Variants in SCYL3 observed in about 807,000 individuals in gnomAD.
SCYL3 encodes protein-associating with the carboxyl-terminal domain of ezrin.
SCYL3 carries 35 observed loss-of-function variants against 73.8 expected under a neutral mutation model. The observed-to-expected ratio is 0.47, with a 90% CI of 0.36 to 0.63. The LOEUF (loss-of-function observed/expected upper bound fraction) is 0.63, where lower values mean the gene tolerates loss of function less well. SCYL3 is among the 20% of genes least tolerant of loss of function. The pLI is 0.00. For missense variants in SCYL3, 712 were observed against 798.9 expected, an observed-to-expected ratio of 0.89 and a Z score of 1.31; for synonymous variants, 277 against 295.2, an observed-to-expected ratio of 0.94 and a Z score of 0.63.
chr1:169,891,313 T>C (rs74122418), intron 1 of SCYL3, among the ~76,000 whole-genome samples: 5,769 of 152,276 alleles, frequency 0.038, 361 homozygotes, highest in African/African-American at 0.13. Context: ...ACATTACTAC[T>C]ATCCATCTCA....
In SCYL3 at chr1:169,862,662, T is replaced by A. The variant is rs751875947; in HGVS notation, c.1091A>T (p.Tyr364Phe). Residue 364 changes from tyrosine (Y) to phenylalanine (F), a missense_variant, in exon 10 of 13, where the codon TAC (tyrosine) becomes TTC (phenylalanine). Tyr to Phe is a conservative substitution (Grantham distance 22). Around this residue, in one of 2 missense-constraint regions of SCYL3, gnomAD observed 342 missense variants for 448.1 expected, o/e 0.76. Coordinates refer to ENST00000367771, the MANE Select transcript of SCYL3 (RefSeq NM_020423.7). ...RMVLLSHIEA[Y>F]VEHFTQEQLK... The stretch of plus-strand genomic sequence containing the variant: ...CTGCTCCTGAGTGAAGTGCTCCACG[T>A]AGGCCTCGATGTGAGACAGCAGCAC... 5 of 1,614,026 alleles carry A rather than the reference T, an allele frequency of 3.1e-6. No individual in the cohort carries two copies. Among genetic ancestry groups the A allele is most frequent in the Middle Eastern group, 1.6e-4 (1 of 6,084 alleles).
At chr1:169,877,793 T>A (rs1660958362) in intron 3 of SCYL3, among the ~76,000 whole-genome samples, 1 of 152,220 alleles carries the variant, frequency 6.6e-6, no homozygotes, top group Admixed American at 6.5e-5. Flanking sequence ...AAGAAGATAT[T>A]TCTCCCCACT....
intron 3 of SCYL3, 130 bp from the exon 4 acceptor site, chr1:169,876,221 A>T (rs1333184202): frequency 2.1e-6 from 1 of 478,072 alleles, no homozygotes; most frequent in Non-Finnish European, 3.6e-6. Context: ...CACCAAAAAA[A>T]TTATGACAAG....
chr1:169,861,219 T>A (rs1171806601), intron 10 of SCYL3, among the ~76,000 whole-genome samples: 1 of 152,124 alleles, frequency 6.6e-6, no homozygotes, highest in Non-Finnish European at 1.5e-5. Flanking sequence ...AGTAAACCCA[T>A]CCCACAATGA....
chr1:169,889,591 TA>T (rs201260980), intron 1 of SCYL3, among the ~76,000 whole-genome samples: 4,470 of 150,440 alleles, frequency 0.03, 122 homozygotes, highest in South Asian at 0.1. Context: ...TCTCAATTGC[TA>T]AAAAAAAACA....
chr1:169,889,039 G>C, intron 1 of SCYL3, 149 bp from the exon 2 acceptor site: 1 of 448,436 alleles, frequency 2.2e-6, no homozygotes, highest in Non-Finnish European at 3.9e-6. Context: ...CGCTCTGCAA[G>C]TTACCAGCAA....
rs140724273 is a variant in SCYL3, at chr1:169,855,940, C to T, written c.1313-976G>A. 1.0e-3 allele frequency: 1,641 copies of T among 1,613,166 alleles called. 18 individuals are homozygous for T. In the Middle Eastern group the frequency reaches 0.034, roughly 33 times the overall value. On this transcript the variant is annotated intron_variant, in intron 11 of 12. Coordinates refer to ENST00000367771, the MANE Select transcript of SCYL3 (RefSeq NM_020423.7). The stretch of plus-strand genomic sequence containing the variant: ...GAGATCTGACTGTGATGGCTGCAGA[C>T]GACACACATAGGAGAATCTGAAGGT...
chr1:169,861,126 A>G (rs1659612054), intron 10 of SCYL3, among the ~76,000 whole-genome samples: 1 of 152,190 alleles, frequency 6.6e-6, no homozygotes, highest in Non-Finnish European at 1.5e-5. Flanking sequence ...ATGTAAATAC[A>G]AAGTGCTATG....
intron 10 of SCYL3, among the ~76,000 whole-genome samples, chr1:169,860,957 T>C (rs930366781): frequency 1.3e-5 from 2 of 152,222 alleles, no homozygotes; most frequent in African/African-American, 4.8e-5. Context: ...TCCTAAGTAA[T>C]GAGAGGTTTC....
Position 169,852,806 on chromosome 1 carries a change from C to G in SCYL3, c.*907G>C. 6.2e-7 allele frequency: 1 copy of G among 1,613,800 alleles called. No homozygotes were observed. The highest frequency in any genetic ancestry group is 8.5e-7 in the Non-Finnish European group (1 of 1,179,872). On this transcript the variant is annotated 3_prime_UTR_variant, in exon 13 of 13. Transcript: ENST00000367771. ...TTTTTCCAGCCTTATGCAAAAAGAG[C>G]TCGTCAGGAGTTCCCCTGGGAAGAA...
chr1:169,890,405 C>T (rs928951083), intron 1 of SCYL3, among the ~76,000 whole-genome samples: 1 of 152,162 alleles, frequency 6.6e-6, no homozygotes. Context: ...GCTACAAATA[C>T]GGCCAATAAT....
At chr1:169,868,539 GAAT>G (rs1660190324) in intron 7 of SCYL3, among the ~76,000 whole-genome samples, 1 of 152,132 alleles carries the variant, frequency 6.6e-6, no homozygotes, top group African/African-American at 2.4e-5. Context: ...GAGAAAAACT[GAAT>G]AATAATAAAC....
At chr1:169,890,116 T>C (rs1389016017) in intron 1 of SCYL3, among the ~76,000 whole-genome samples, 5 of 152,188 alleles carry the variant, frequency 3.3e-5, no homozygotes, top group African/African-American at 1.2e-4. Flanking sequence ...TGTGAGAGGC[T>C]TGCATTCTGA....
intron 5 of SCYL3, among the ~76,000 whole-genome samples, chr1:169,873,342 A>T (rs1660563382): frequency 6.6e-6 from 1 of 152,216 alleles, no homozygotes; most frequent in Non-Finnish European, 1.5e-5. Context: ...GCCACATGGA[A>T]CTGTTAGTCC....
chr1:169,889,376 T>C (rs1661902129), intron 1 of SCYL3, among the ~76,000 whole-genome samples: 1 of 152,172 alleles, frequency 6.6e-6, no homozygotes, highest in Non-Finnish European at 1.5e-5. Flanking sequence ...AAAACATTGT[T>C]AATATGATGA....
chr1:169,858,106 T>C (rs1659333725), intron 11 of SCYL3, among the ~76,000 whole-genome samples: 1 of 152,258 alleles, frequency 6.6e-6, no homozygotes. Context: ...AAAATTTTTC[T>C]TCAATAATGT....
chr1:169,851,240 C>T lies in SCYL3; in HGVS notation c.*2473G>A, dbSNP rs1658276367. ...CTGTTAAACCACAAATTTAGACTAC[C>T]AGGAGAAACTGAATTATTTGATATA... On this transcript the variant is annotated 3_prime_UTR_variant, in exon 13 of 13. Coordinates refer to ENST00000367771, the MANE Select transcript of SCYL3 (RefSeq NM_020423.7). The T allele has an allele frequency of 6.6e-6, 1 of 152,582 alleles. No homozygotes were observed. Among genetic ancestry groups the T allele is most frequent in the South Asian group, 2.1e-4 (1 of 4,778 alleles). The allele number at this position is 152,582 out of a possible 1,614,324, so 9.5% of individuals were successfully genotyped here. A position where few individuals can be genotyped will look rare whatever the true frequency, so the allele number is the denominator to read the frequency against.
chr1:169,853,883 A>G, intron 12 of SCYL3, 111 bp from the exon 13 acceptor site: 1 of 1,123,800 alleles, frequency 8.9e-7, no homozygotes, highest in Non-Finnish European at 1.3e-6. Flanking sequence ...TGCCAGAAAC[A>G]CTACCTCGTA....
In SCYL3 at chr1:169,849,809, A is replaced by G; in HGVS notation, c.*3904T>C. 1.8e-6 allele frequency: 1 copy of G among 562,456 alleles called. No homozygotes were observed. The highest frequency in any genetic ancestry group is 3.1e-5 in the Admixed American group (1 of 32,164). 34.8% of individuals were successfully genotyped at this position (562,456 alleles called of 1,614,324 possible). On this transcript the variant is annotated 3_prime_UTR_variant, in exon 13 of 13. Transcript: ENST00000367771. ...GTGAATTTCGTAAGGTCCTCTGAAT[A>G]AACAAGGACCAGAACAGGCATACAC...
Sources: allele counts gnomAD v4.1 joint callset (sites outside exome capture counted in the v4.1 genomes callset), GRCh38; gene constraint gnomAD v4.1.1; regional missense constraint gnomAD v4.1.1; transcripts MANE v1.5; gene names NCBI Gene and HGNC (gene_info 2026-07-23, HGNC 2026-07-21).